ERG: variants seen among roughly 807,000 people sequenced by gnomAD.
ERG encodes transcriptional regulator ERG.
A neutral mutation model predicts 55.3 loss-of-function variants in ERG; 9 were observed. The observed-to-expected ratio is 0.16, with a 90% CI of 0.10 to 0.28. The LOEUF is 0.28. ERG is among the 10% of genes least tolerant of loss of function. The probability of loss-of-function intolerance (pLI) is 1.00; values close to 1 mark genes in which losing one functional copy is unlikely to be tolerated. For missense variants in ERG, 434 were observed against 631.6 expected (o/e 0.69, Z 3.35); for synonymous variants, 223 against 237.3 (o/e 0.94, Z 0.55).
intron 1 of ERG, among the ~76,000 whole-genome samples, chr21:38,581,765 C>T (rs912864839): frequency 6.6e-6 from 1 of 152,170 alleles, no homozygotes. Flanking sequence ...CAGAGGCGGC[C>T]AGGCGCGGTG....
At chr21:38,450,238 C>T (rs2058928618) in intron 1 of ERG, among the ~76,000 whole-genome samples, 1 of 150,438 alleles carries the variant, frequency 6.6e-6, no homozygotes, top group Non-Finnish European at 1.5e-5. Context: ...AATAGCCAGG[C>T]GTGATGGTGG....
chr21:38,478,263 A>T (rs934912661), intron 1 of ERG, among the ~76,000 whole-genome samples: 1 of 152,238 alleles, frequency 6.6e-6, no homozygotes, highest in Admixed American at 6.5e-5. Context: ...TTGCATTTAC[A>T]TGCTTAACTG....
chr21:38,481,680 A>G (rs1305295269), intron 1 of ERG, among the ~76,000 whole-genome samples: 1 of 152,242 alleles, frequency 6.6e-6, no homozygotes, highest in African/African-American at 2.4e-5. Context: ...CATATCCATT[A>G]GAGATGTTAT....
At chr21:38,417,767 C>T (rs1030926645) in intron 3 of ERG, among the ~76,000 whole-genome samples, 1 of 151,986 alleles carries the variant, frequency 6.6e-6, no homozygotes, top group African/African-American at 2.4e-5. Flanking sequence ...CCAGCCTGGG[C>T]AACAGAGCGA....
chr21:38,651,610 C>T (rs1374039620), intron 1 of ERG, among the ~76,000 whole-genome samples: 3 of 152,060 alleles, frequency 2.0e-5, no homozygotes, highest in Non-Finnish European at 2.9e-5. Flanking sequence ...AAATTAATTC[C>T]ACCTGTCCCT....
intron 2 of ERG, among the ~76,000 whole-genome samples, chr21:38,569,091 C>T: frequency 6.6e-6 from 1 of 152,242 alleles, no homozygotes; most frequent in East Asian, 1.9e-4. Flanking sequence ...AGCAGCTTCG[C>T]TGTGCCCGAA....
At chr21:38,641,886 T>A (rs549201066) in intron 1 of ERG, among the ~76,000 whole-genome samples, 5 of 152,348 alleles carry the variant, frequency 3.3e-5, no homozygotes, top group Non-Finnish European at 1.5e-5. Flanking sequence ...TGGAGGCATG[T>A]GAGAATACTG....
intron 2 of ERG, among the ~76,000 whole-genome samples, chr21:38,573,066 A>T (rs2059969128): frequency 6.6e-6 from 1 of 152,234 alleles, no homozygotes. Flanking sequence ...ATCAATGTGT[A>T]AGGGATCTAG....
chr21:38,488,830 G>A (rs530914614), intron 1 of ERG, among the ~76,000 whole-genome samples: 1 of 152,316 alleles, frequency 6.6e-6, no homozygotes, highest in Non-Finnish European at 1.5e-5. Context: ...GTTACTCATA[G>A]ACAAGTCTAT....
rs555636906 is a variant in ERG at position 38,504,037 on chromosome 21, T to TG, written c.-41+71624dup. On this transcript the variant is annotated intron_variant, in intron 2 of 8. Transcript: ENST00000398897. Reference sequence around the variant, plus strand: ...GTGAGTGTGTGTATGAGGGTGTGTGTGTGGGGGGGTAGGGGAGTGCCATAT... The same window carrying TG: ...GTGAGTGTGTGTATGAGGGTGTGTGTGGTGGGGGGGTAGGGGAGTGCCATAT... Among the ~76,000 whole-genome samples the TG allele has an allele frequency of 1.6e-3, 245 of 152,256 alleles. 3 individuals carry two copies. Among genetic ancestry groups the TG allele is most frequent in the African/African-American group, 5.6e-3 (232 of 41,538 alleles).
chr21:38,496,237 T>C (rs1004088382), intron 1 of ERG, among the ~76,000 whole-genome samples: 1 of 152,150 alleles, frequency 6.6e-6, no homozygotes, highest in Admixed American at 6.5e-5. Flanking sequence ...AAAACCAACT[T>C]AAAAAATTCA....
At position 38,482,683 on chromosome 21, in the gene ERG, C is replaced by CTT. The variant is rs35326459; in HGVS notation, c.18+15678_18+15679dup. 4.2e-4 allele frequency among the ~76,000 whole-genome samples: 61 copies of CTT among 145,964 alleles called. No individual in the cohort carries two copies. In the East Asian group the frequency reaches 5.9e-3, roughly 14 times the overall value. ...TATATACAACGGAATATCATTTAGC[C>CTT]TTTTTTTTTTTTGAGATGGAATCTC... On this transcript the variant is annotated intron_variant, in intron 1 of 9. Transcript: ENST00000288319.
At chr21:38,561,680 A>G (rs2059893568) in intron 2 of ERG, among the ~76,000 whole-genome samples, 1 of 152,210 alleles carries the variant, frequency 6.6e-6, no homozygotes, top group Non-Finnish European at 1.5e-5. Flanking sequence ...GTCAGTCTCA[A>G]AGTCAGTTGG....
chr21:38,517,882 C>A (rs1463941534), intron 2 of ERG, among the ~76,000 whole-genome samples: 1 of 152,100 alleles, frequency 6.6e-6, no homozygotes, highest in African/African-American at 2.4e-5. Context: ...CATGTTCTCA[C>A]TCCTATGTGG....
chr21:38,485,149 G>C (rs2059271354), intron 1 of ERG, among the ~76,000 whole-genome samples: 1 of 152,002 alleles, frequency 6.6e-6, no homozygotes, highest in Non-Finnish European at 1.5e-5. Flanking sequence ...ACAGGGACAA[G>C]ATGTAGAGAT....
chr21:38,548,474 A>G (rs113336545), intron 2 of ERG, among the ~76,000 whole-genome samples: 75,343 of 149,086 alleles, frequency 0.51, 20,387 homozygotes, highest in Non-Finnish European at 0.62. Flanking sequence ...TTGAGACGGA[A>G]GCTCACTCTG....
At chr21:38,379,565 A>G (rs1987336079), downstream of ERG, among the ~76,000 whole-genome samples, 1 of 152,188 alleles carries the variant, frequency 6.6e-6, no homozygotes, top group African/African-American at 2.4e-5. Context: ...TAATTCACAT[A>G]TTCTAGCACT....
chr21:38,554,407 T>C (rs573386614), intron 2 of ERG, among the ~76,000 whole-genome samples: 7 of 152,242 alleles, frequency 4.6e-5, no homozygotes, highest in Admixed American at 3.3e-4. Flanking sequence ...AGCAAAGACA[T>C]AGAACCAATC....
upstream of ERG, among the ~76,000 whole-genome samples, chr21:38,585,529 C>T (rs1043339900): frequency 4.0e-4 from 9 of 22,686 alleles, no homozygotes; most frequent in African/African-American, 6.7e-4. Context: ...CCCTCTCTCT[C>T]TTCTTTTTTT....
Sources: allele counts gnomAD v4.1 joint callset (sites outside exome capture counted in the v4.1 genomes callset), GRCh38; gene constraint gnomAD v4.1.1; transcripts MANE v1.5; gene names NCBI Gene and HGNC (gene_info 2026-07-23, HGNC 2026-07-21).